Variants in MLH3 observed in about 807,000 individuals in gnomAD.
MLH3 encodes mutL homolog 3, also known as DNA mismatch repair protein Mlh3.
Under a neutral mutation model 122.2 loss-of-function variants are expected in MLH3, and 82 were observed. The ratio of observed to expected loss-of-function variants is 0.67; its 90% CI spans 0.56 to 0.81. MLH3 has a LOEUF of 0.81. Ranked by LOEUF, MLH3 falls within the 30% of genes least tolerant of loss-of-function variation. The probability of loss-of-function intolerance (pLI) is 0.00; values close to 1 mark genes in which losing one functional copy is unlikely to be tolerated. For missense variants in MLH3, 1,539 were observed against 1,714.5 expected (o/e 0.90, Z 1.81); for synonymous variants, 524 against 599.5 (o/e 0.87, Z 1.84).
At chr14:75,035,899 G>A (rs967782615) in intron 6 of MLH3, among the ~76,000 whole-genome samples, 1 of 151,672 alleles carries the variant, frequency 6.6e-6, no homozygotes, top group African/African-American at 2.4e-5. Flanking sequence ...CCTCTTCCGT[G>A]TCATGGGCAC....
rs766371279 is a variant in MLH3 at position 75,049,416 on chromosome 14, C to T, written c.240G>A (p.Ser80=). The stretch of plus-strand genomic sequence containing the variant: ...ACCTTGGATTCTCCAAGTCCTGTAC[C>T]GAGTGGCATTTACTGGTGAAATAAC... ...GNRYFTSKCH[S]VQDLENPRFY... The change falls in exon 2 of 13, where the codon TCG becomes TCA. Residue 80 remains serine, a synonymous_variant. Coordinates refer to ENST00000355774, the MANE Select transcript of MLH3 (RefSeq NM_001040108.2). 13 of 1,614,012 alleles carry T rather than the reference C, an allele frequency of 8.1e-6. No homozygotes were observed. Among genetic ancestry groups the T allele is most frequent in the Middle Eastern group, 1.6e-4 (1 of 6,062 alleles).
chr14:75,032,514 T>C (rs1372313595), intron 7 of MLH3, among the ~76,000 whole-genome samples: 2 of 152,242 alleles, frequency 1.3e-5, no homozygotes, highest in Non-Finnish European at 2.9e-5. Context: ...CACAGTCTTA[T>C]GGCTCCAGAA....
chr14:75,026,642 T>C (rs1401691294), intron 9 of MLH3, among the ~76,000 whole-genome samples: 4 of 152,144 alleles, frequency 2.6e-5, no homozygotes, highest in Admixed American at 2.6e-4. Flanking sequence ...TGAAGAAGCA[T>C]AGTGAATCTC....
chr14:75,026,638 A>G (rs187684611), intron 9 of MLH3, among the ~76,000 whole-genome samples: 7 of 152,362 alleles, frequency 4.6e-5, no homozygotes, highest in Admixed American at 3.9e-4. Flanking sequence ...AAACTGAAGA[A>G]GCATAGTGAA....
chr14:75,016,264 GTA>G lies in MLH3; in HGVS notation c.*816_*817del. 4.9e-6 allele frequency: 1 copy of G among 204,766 alleles called. No individual in the cohort carries two copies. The highest frequency in any genetic ancestry group is 7.5e-5 in the East Asian group (1 of 13,308). The allele number at this position is 204,766 out of a possible 1,614,324, so 12.7% of individuals were successfully genotyped here. On this transcript the variant is annotated 3_prime_UTR_variant, in exon 13 of 13. Coordinates refer to ENST00000355774, the MANE Select transcript of MLH3 (RefSeq NM_001040108.2). ...GTAAAGATATTTGGTTAGGTTGAAC[GTA>G]TGTATGCTGTGTTTTGATATGACAA...
intron 6 of MLH3, among the ~76,000 whole-genome samples, chr14:75,034,386 T>C (rs1891249434): frequency 6.6e-6 from 1 of 152,172 alleles, no homozygotes; most frequent in African/African-American, 2.4e-5. Flanking sequence ...GTACTTCCAG[T>C]GCACTTTAGA....
In MLH3 at chr14:75,046,715, C is replaced by G. The variant is rs377337763; in HGVS notation, c.2941G>C (p.Gly981Arg). Residue 981 changes from glycine (G) to arginine (R), a missense_variant, in exon 2 of 13, where the codon GGT becomes CGT. Coordinates refer to ENST00000355774, the MANE Select transcript of MLH3 (RefSeq NM_001040108.2). ...CTGATAAGAACATCTGAATCTTTAC[C>G]GGTAACTTTAGAATTATTATAGGGC... ...VLPYNNSKVT[G>R]KDSDVLIRAS... is the part of the protein sequence containing the mutation. The G allele has an allele frequency of 6.2e-7, 1 of 1,614,064 alleles. No homozygotes were observed. The highest frequency in any genetic ancestry group is 1.1e-5 in the South Asian group (1 of 91,074).
In MLH3 at chr14:75,049,431, G is replaced by C; in HGVS notation, c.225C>G (p.Thr75=). 1 of 1,614,026 alleles carries C rather than the reference G, an allele frequency of 6.2e-7. No homozygotes were observed. The highest frequency in any genetic ancestry group is 8.5e-7 in the Non-Finnish European group (1 of 1,180,026). ...AGTCCTGTACCGAGTGGCATTTACT[G>C]GTGAAATAACGATTTCCCACTTTCT... ...DVEKVGNRYF[T]SKCHSVQDLE... is the part of the protein sequence containing the mutation. Residue 75 remains threonine (T), a synonymous_variant, in exon 2 of 13, where the codon ACC becomes ACG. Coordinates refer to ENST00000355774, the MANE Select transcript of MLH3 (RefSeq NM_001040108.2).
chr14:75,040,622 G>A (rs943071446), intron 4 of MLH3, among the ~76,000 whole-genome samples: 4 of 151,970 alleles, frequency 2.6e-5, no homozygotes, highest in Non-Finnish European at 5.9e-5. Context: ...GATATCTTGA[G>A]GAAAGAACTG....
intron 5 of MLH3, 46 bp from the exon 6 acceptor site, chr14:75,038,458 C>T (rs1891575080): frequency 8.3e-7 from 1 of 1,210,196 alleles, no homozygotes; most frequent in Non-Finnish European, 1.2e-6. Flanking sequence ...TAAAAATTAA[C>T]AAAGGCTTAT....
rs369063337 is a variant in MLH3 at position 75,046,470 on chromosome 14, A to G, written c.3186T>C (p.Thr1062=). ...LGRMVYVNKM[T]GLSTFIAPTE... is the part of the protein sequence containing the mutation. ...TTGGGGCAATGAATGTGCTGAGTCC[A>G]GTCATTTTGTTGACATAAACCATTC... is the stretch of plus-strand genomic sequence containing the variant. Residue 1062 remains threonine (T), a synonymous_variant, in exon 2 of 13, where the codon ACT becomes ACC. Coordinates refer to ENST00000355774, the MANE Select transcript of MLH3 (RefSeq NM_001040108.2). The G allele has an allele frequency of 9.9e-6, 16 of 1,614,098 alleles. No individual in the cohort carries two copies. In the African/African-American group the frequency reaches 2.1e-4, roughly 22 times the overall value.
rs1027600963 is a variant in MLH3 at position 75,048,230 on chromosome 14, T to A, written c.1426A>T (p.Ile476Phe). The A allele has an allele frequency of 1.9e-6, 3 of 1,613,724 alleles. No homozygotes were observed. The highest frequency in any genetic ancestry group is 2.5e-6 in the Non-Finnish European group (3 of 1,179,932). Reference sequence around the variant, plus strand: ...TTTTCTCCAGCTTCTGATGCTACAATTGTCTCTTGTTCTAACATCTTTGAT... The same window carrying A: ...TTTTCTCCAGCTTCTGATGCTACAAATGTCTCTTGTTCTAACATCTTTGAT... ...SESKMLEQETIVASEAGENEK... is the reference protein window; with the variant it reads ...SESKMLEQETFVASEAGENEK... The change falls in exon 2 of 13, where the codon ATT becomes TTT. Residue 476 changes from isoleucine (I) to phenylalanine (F), a missense_variant. Physicochemically the swap from Ile to Phe is conservative, Grantham distance 21 (BLOSUM62 0). Transcript: ENST00000355774.
intron 9 of MLH3, among the ~76,000 whole-genome samples, chr14:75,027,874 G>C (rs1364946340): frequency 6.6e-6 from 1 of 151,890 alleles, no homozygotes; most frequent in Non-Finnish European, 1.5e-5. Flanking sequence ...GGTGATGGGA[G>C]ATGAACAGTT....
chr14:75,034,530 T>C (rs939301655), intron 6 of MLH3, among the ~76,000 whole-genome samples: 2 of 152,214 alleles, frequency 1.3e-5, no homozygotes, highest in Middle Eastern at 3.2e-3. Context: ...GTGAATATCG[T>C]AGCTGTGTTC....
intron 5 of MLH3, 28 bp downstream of exon 5, chr14:75,039,879 ATATT>A (rs760201120): frequency 5.8e-5 from 29 of 499,654 alleles, no homozygotes; most frequent in African/African-American, 1.2e-4. Flanking sequence ...ATATATATAT[ATATT>A]TATGAGATTT....
intron 1 of MLH3, among the ~76,000 whole-genome samples, chr14:75,050,354 TTTGA>T (rs1347021295): frequency 1.3e-5 from 2 of 152,232 alleles, no homozygotes; most frequent in Non-Finnish European, 2.9e-5. Flanking sequence ...TTCTTTGCCA[TTTGA>T]TTGTTAAATC....
chr14:75,023,176 G>T (rs536782468), intron 9 of MLH3, among the ~76,000 whole-genome samples, 158 bp from the exon 10 acceptor site: 1 of 152,210 alleles, frequency 6.6e-6, no homozygotes, highest in African/African-American at 2.4e-5. Flanking sequence ...TTGTTGTAAG[G>T]CACTTTGAAT....
rs369063337 is a variant in MLH3 at position 75,046,470 on chromosome 14, A to C, written c.3186T>G (p.Thr1062=). The C allele has an allele frequency of 2.5e-6, 4 of 1,614,098 alleles. No individual in the cohort carries two copies. The highest frequency in any genetic ancestry group is 4.5e-5 in the East Asian group (2 of 44,898). Residue 1062 remains threonine (T), a synonymous_variant, in exon 2 of 13, where the codon ACT becomes ACG. Coordinates refer to ENST00000355774, the MANE Select transcript of MLH3 (RefSeq NM_001040108.2). ...TTGGGGCAATGAATGTGCTGAGTCCAGTCATTTTGTTGACATAAACCATTC... is the reference window on the plus strand; with the variant it reads ...TTGGGGCAATGAATGTGCTGAGTCCCGTCATTTTGTTGACATAAACCATTC... ...LGRMVYVNKM[T]GLSTFIAPTE...
intron 1 of MLH3, chr14:75,050,972 C>G (rs1285561420): frequency 2.0e-5 from 3 of 152,300 alleles, no homozygotes; most frequent in Non-Finnish European, 4.4e-5. Flanking sequence ...GGGCTCTTAA[C>G]TGCAGAATTT....
Sources: gnomAD v4.1 joint callset for allele counts (sites outside exome capture counted in the v4.1 genomes callset) on GRCh38, gnomAD v4.1.1 for gene constraint, MANE v1.5 for transcripts, NCBI Gene and HGNC (gene_info 2026-07-23, HGNC 2026-07-21) for gene names.